Variants in MROH2A observed in about 807,000 individuals in gnomAD.
MROH2A encodes maestro heat-like repeat-containing protein family member 2A.
A neutral mutation model predicts 200.4 loss-of-function variants in MROH2A; 174 were observed. That is an observed-to-expected ratio of 0.87 (90% CI 0.77 to 0.98). MROH2A has a LOEUF of 0.98. Ranked by LOEUF, MROH2A falls within the 50% of genes least tolerant of loss-of-function variation. The pLI, the probability that MROH2A is intolerant of heterozygous loss-of-function variation, is 0.00. For synonymous variants in MROH2A, 829 were observed against 840.4 expected (o/e 0.99, Z 0.23); for missense variants, 2,045 against 2,139.6 (o/e 0.96, Z 0.87).
At chr2:233,805,215 C>A in intron 19 of MROH2A, 104 bp downstream of exon 19, 1 of 749,230 alleles carries the variant, frequency 1.3e-6, no homozygotes, top group Non-Finnish European at 2.2e-6. Flanking sequence ...GGACCTGTGG[C>A]TGTTTACAGG....
In MROH2A at chr2:233,803,573, C is replaced by T. The variant is rs987163418; in HGVS notation, c.1749+85C>T. The T allele has an allele frequency of 2.8e-6, 4 of 1,436,240 alleles. No individual in the cohort carries two copies. The African/African-American group carries it at 4.2e-5, about 15-fold the overall frequency. 89.0% of individuals were successfully genotyped at this position (1,436,240 alleles called of 1,614,324 possible). On this transcript the variant is annotated intron_variant, in intron 16 of 41. Transcript: ENST00000389758. ...TCTTTAAACTCCTAATTCCCAGAGC[C>T]CCAGGGGTATGAGGAAGCTGAGGTG...
chr2:233,819,303 C>A lies in MROH2A; in HGVS notation c.3205-14C>A. ...GGCAGGGGAGGGCAGGGGAGTCACC[C>A]GCTCTGCTCCTAGGTGGTCTGCATG... On this transcript the variant is annotated splice_polypyrimidine_tract_variant and intron_variant, in intron 29 of 41. Transcript: ENST00000389758. 2 of 1,547,060 alleles carry A rather than the reference C, an allele frequency of 1.3e-6. No individual in the cohort carries two copies. The highest frequency in any genetic ancestry group is 2.4e-5 in the East Asian group (1 of 40,880).
intron 11 of MROH2A, 143 bp downstream of exon 11, chr2:233,796,456 TGC>T: frequency 1.6e-6 from 1 of 606,704 alleles, no homozygotes. Context: ...GGTTCTTGGC[TGC>T]TTTGCATTTT....
chr2:233,804,235 C>A, intron 17 of MROH2A, 43 bp downstream of exon 17: 2 of 1,546,804 alleles, frequency 1.3e-6, no homozygotes, highest in South Asian at 2.4e-5. Context: ...CCCTCCAATC[C>A]GTGTATGTGC....
Position 233,822,535 on chromosome 2 carries a change from C to T in MROH2A, c.3845C>T (p.Pro1282Leu), listed in dbSNP as rs200309402. The T allele has an allele frequency of 5.9e-5, 92 of 1,549,944 alleles. No individual in the cohort carries two copies. The highest frequency in any genetic ancestry group is 6.4e-5 in the Non-Finnish European group (73 of 1,147,032). Residue 1282 changes from proline (P) to leucine (L), a missense_variant, in exon 33 of 42, where the codon CCG becomes CTG. Physicochemically the swap from Pro to Leu is moderately conservative, Grantham distance 98 (BLOSUM62 -3). Around this residue, in one of 3 missense-constraint regions of MROH2A, gnomAD observed 1,201 missense variants for 1,311.3 expected, o/e 0.92. Transcript: ENST00000389758. ...AAGCTGGTCCACACCACTCCTCTGC[C>T]GGAGGAGATGAACCTGCAAAGGTGC... ...MWKLVHTTPL[P>L]EEMNLQRVTI...
chr2:233,810,596 T>C (rs755210303), intron 22 of MROH2A, among the ~76,000 whole-genome samples, 198 bp from the exon 23 acceptor site: 5 of 152,234 alleles, frequency 3.3e-5, no homozygotes, highest in Admixed American at 2.0e-4. Context: ...ATCCCCGCCA[T>C]GTGCCTGTGG....
intron 5 of MROH2A, among the ~76,000 whole-genome samples, chr2:233,792,351 C>G (rs574124104): frequency 1.4e-5 from 2 of 147,976 alleles, no homozygotes; most frequent in Admixed American, 1.3e-4. Flanking sequence ...CATGCTCTGT[C>G]GCCCAGGCTG....
At position 233,819,598 on chromosome 2, in the gene MROH2A, G is replaced by A. The variant is rs532524822; in HGVS notation, c.3357+129G>A. Reference sequence around the variant, plus strand: ...CCTCCCCCAACCCCTGGCTGCTAAAGAGGAGGAGGAAACAGAGTTCTAGAG... The same window carrying A: ...CCTCCCCCAACCCCTGGCTGCTAAAAAGGAGGAGGAAACAGAGTTCTAGAG... On this transcript the variant is annotated intron_variant, in intron 30 of 41. Coordinates refer to ENST00000389758, the MANE Select transcript of MROH2A (RefSeq NM_001394639.1). 9.3e-5 allele frequency: 96 copies of A among 1,031,828 alleles called. No homozygotes were observed. The East Asian group carries it at 1.8e-3, about 19-fold the overall frequency. The allele number at this position is 1,031,828 out of a possible 1,614,324, so 63.9% of individuals were successfully genotyped here. A position where few individuals can be genotyped will look rare whatever the true frequency, so the allele number is the denominator to read the frequency against.
At chr2:233,815,991 T>C (rs1703500694) in intron 26 of MROH2A, among the ~76,000 whole-genome samples, 2 of 152,218 alleles carry the variant, frequency 1.3e-5, no homozygotes, top group Non-Finnish European at 2.9e-5. Flanking sequence ...TTTGGGAGTT[T>C]CCGAGAATCT....
Position 233,811,928 on chromosome 2 carries a change from G to A in MROH2A, c.2620G>A (p.Ala874Thr). The A allele has an allele frequency of 2.6e-6, 4 of 1,550,364 alleles. No individual in the cohort carries two copies. The highest frequency in any genetic ancestry group is 3.5e-6 in the Non-Finnish European group (4 of 1,146,948). The change falls in exon 24 of 42, where the codon GCC (alanine) becomes ACC (threonine). Residue 874 changes from alanine (A) to threonine (T), a missense_variant. This residue lies in a region of MROH2A where 1,201 missense variants were observed against 1,311.3 expected (regional missense o/e 0.92). Transcript: ENST00000389758. ...PTDNLVSPVR[A>T]LAMEALSHLS... ...TGACAACCTGGTTTCTCCAGTGCGA[G>A]CCTTGGCGATGGAGGCCCTCTCGCA... is the stretch of plus-strand genomic sequence containing the variant.
At chr2:233,814,991 C>T (rs1411852637) in intron 26 of MROH2A, among the ~76,000 whole-genome samples, 1 of 152,194 alleles carries the variant, frequency 6.6e-6, no homozygotes, top group Non-Finnish European at 1.5e-5. Context: ...TATATAACAA[C>T]AGTACCATGA....
At position 233,793,628 on chromosome 2, in the gene MROH2A, C is replaced by G. The variant is rs772387230; in HGVS notation, c.671-45C>G. 19 of 1,339,800 alleles carry G rather than the reference C, an allele frequency of 1.4e-5. 1 individual carries two copies. The African/African-American group carries it at 2.6e-4, about 18-fold the overall frequency. 83.0% of individuals were successfully genotyped at this position (1,339,800 alleles called of 1,614,324 possible). A position where few individuals can be genotyped will look rare whatever the true frequency, so the allele number is the denominator to read the frequency against. ...GGGCTGGGAAGGCTTGGTTCTGCTT[C>G]CAGCCCCTCTGGCGCCAAGTGCATT... is the stretch of plus-strand genomic sequence containing the variant. On this transcript the variant is annotated intron_variant, in intron 6 of 41. Coordinates refer to ENST00000389758, the MANE Select transcript of MROH2A (RefSeq NM_001394639.1).
At chr2:233,818,613 T>C in intron 28 of MROH2A, 39 bp from the exon 29 acceptor site, 1 of 1,363,682 alleles carries the variant, frequency 7.3e-7, no homozygotes, top group Non-Finnish European at 1.0e-6. Context: ...CTGGGCCTTT[T>C]GTCCCTGCTG....
chr2:233,822,457 A>G lies in MROH2A; in HGVS notation c.3767A>G (p.Gln1256Arg), dbSNP rs943677613. ...GACCTCATCTACACCCTCCTGCTGC[A>G]GCTTGGAAGCAGCCACCGACCAGAG... ...LPDLIYTLLL[Q>R]LGSSHRPEAA... The change falls in exon 33 of 42, where the codon CAG (glutamine) becomes CGG (arginine). Residue 1256 changes from glutamine to arginine, a missense_variant. This residue lies in a region of MROH2A where 1,201 missense variants were observed against 1,311.3 expected (regional missense o/e 0.92). Transcript: ENST00000389758. 9 of 1,550,896 alleles carry G rather than the reference A, an allele frequency of 5.8e-6. No homozygotes were observed. The South Asian group carries it at 8.3e-5, about 14-fold the overall frequency.
intron 5 of MROH2A, 118 bp downstream of exon 5, chr2:233,790,132 T>C (rs1701625939): frequency 1.9e-6 from 2 of 1,038,014 alleles, no homozygotes; most frequent in Non-Finnish European, 2.7e-6. Flanking sequence ...TTCTCTCTTT[T>C]TCCCTCTAAA....
upstream of MROH2A, chr2:233,775,775 G>T: frequency 6.6e-6 from 1 of 152,344 alleles, no homozygotes; most frequent in Non-Finnish European, 1.5e-5. Flanking sequence ...ATATGGTTTG[G>T]CTGTGTCCCC....
intron 23 of MROH2A, 134 bp from the exon 24 acceptor site, chr2:233,811,746 G>T (rs969844949): frequency 1.5e-6 from 1 of 666,740 alleles, no homozygotes; most frequent in Non-Finnish European, 2.7e-6. Context: ...AAGCCAAATG[G>T]CCCTAAAAAG....
chr2:233,830,540 A>T (rs687215), intron 38 of MROH2A, among the ~76,000 whole-genome samples: 2 of 152,018 alleles, frequency 1.3e-5, no homozygotes, highest in South Asian at 4.1e-4. Context: ...CAGGACAAGT[A>T]CTGTCACTAT....
chr2:233,823,148 A>C (rs2124882379), intron 34 of MROH2A, 130 bp downstream of exon 34: 1 of 947,538 alleles, frequency 1.1e-6, no homozygotes, highest in East Asian at 2.6e-5. Flanking sequence ...CTGCCACGCC[A>C]ACCTGTGACT....
Sources: gnomAD v4.1 joint callset for allele counts (sites outside exome capture counted in the v4.1 genomes callset) on GRCh38, gnomAD v4.1.1 for gene constraint, gnomAD v4.1.1 regional missense constraint, MANE v1.5 for transcripts, NCBI Gene and HGNC (gene_info 2026-07-23, HGNC 2026-07-21) for gene names.